LRMDA: variants seen among roughly 807,000 people sequenced by gnomAD.
The protein encoded by LRMDA is leucine rich melanocyte differentiation associated, also known as leucine-rich melanocyte differentiation-associated protein.
In LRMDA, 18 loss-of-function variants were observed where a neutral mutation model predicts 29.8. That is an observed-to-expected ratio of 0.60 (90% confidence interval 0.42 to 0.90). LRMDA has a LOEUF of 0.90. LRMDA is among the 40% of genes least tolerant of loss of function. The pLI, the probability that LRMDA is intolerant of heterozygous loss-of-function variation, is 0.00. For synonymous variants in LRMDA, 125 were observed against 109.4 expected (o/e 1.14, Z -0.89); for missense variants, 273 against 273.9 (o/e 1.00, Z 0.02).
At chr10:76,413,476 A>ACT (rs1841984145) in intron 6 of LRMDA, among the ~76,000 whole-genome samples, 1 of 152,168 alleles carries the variant, frequency 6.6e-6, no homozygotes, top group African/African-American at 2.4e-5. Flanking sequence ...GTAATCCCTT[A>ACT]CAAAACCATC....
At chr10:76,055,703 G>A (rs969920110) in intron 4 of LRMDA, among the ~76,000 whole-genome samples, 1 of 152,242 alleles carries the variant, frequency 6.6e-6, no homozygotes, top group African/African-American at 2.4e-5. Context: ...CAGCAGGCTG[G>A]GCAGCTCTAG....
intron 2 of LRMDA, among the ~76,000 whole-genome samples, chr10:75,721,348 C>T (rs996321144): frequency 3.3e-5 from 5 of 152,044 alleles, no homozygotes; most frequent in African/African-American, 9.7e-5. Flanking sequence ...TATATGTATA[C>T]GTACATTATA....
intron 2 of LRMDA, among the ~76,000 whole-genome samples, chr10:75,813,285 A>G (rs1227134540): frequency 1.3e-5 from 2 of 152,150 alleles, no homozygotes; most frequent in East Asian, 3.8e-4. Flanking sequence ...TGACTGGAGG[A>G]GGTCCACTCA....
At chr10:75,924,696 G>A (rs1429687946) in intron 2 of LRMDA, among the ~76,000 whole-genome samples, 1 of 151,936 alleles carries the variant, frequency 6.6e-6, no homozygotes, top group Middle Eastern at 3.2e-3. Context: ...CAGCCGTGCT[G>A]AAAGAGGAAG....
intron 2 of LRMDA, 143 bp from the exon 3 acceptor site, chr10:76,035,865 T>A (rs2132506657): frequency 2.6e-6 from 1 of 385,300 alleles, no homozygotes; most frequent in Non-Finnish European, 4.6e-6. Context: ...CTGCTACTAA[T>A]TCTTGTCATT....
intron 6 of LRMDA, among the ~76,000 whole-genome samples, chr10:76,428,424 ATT>A: frequency 6.6e-6 from 1 of 152,160 alleles, no homozygotes; most frequent in Admixed American, 6.6e-5. Flanking sequence ...GATGAAGTTA[ATT>A]TCATCTTTTA....
chr10:76,185,929 A>AG, intron 5 of LRMDA, among the ~76,000 whole-genome samples: 1 of 152,224 alleles, frequency 6.6e-6, no homozygotes, highest in African/African-American at 2.4e-5. Flanking sequence ...AGTGGGCCTT[A>AG]CTGTCAACCT....
intron 2 of LRMDA, among the ~76,000 whole-genome samples, chr10:75,758,860 G>A (rs1042474968): frequency 2.0e-5 from 3 of 152,024 alleles, no homozygotes; most frequent in Non-Finnish European, 2.9e-5. Context: ...TTATTATCTG[G>A]GTAGAGGATG....
chr10:76,545,069 T>G (rs1353144828), intron 6 of LRMDA, among the ~76,000 whole-genome samples: 1 of 152,110 alleles, frequency 6.6e-6, no homozygotes, highest in Non-Finnish European at 1.5e-5. Flanking sequence ...TGGGCCCAAG[T>G]AAGGAAGGCC....
intron 2 of LRMDA, among the ~76,000 whole-genome samples, chr10:75,982,488 CCT>C (rs777587964): frequency 3.3e-5 from 5 of 152,054 alleles, no homozygotes; most frequent in Non-Finnish European, 5.9e-5. Context: ...GTGGATTCCC[CCT>C]GTTAGCTTGA....
intron 6 of LRMDA, among the ~76,000 whole-genome samples, chr10:76,392,161 G>A (rs1381160518): frequency 6.6e-6 from 1 of 151,788 alleles, no homozygotes; most frequent in African/African-American, 2.4e-5. Context: ...ATGATAATTT[G>A]CATTAATATA....
intron 5 of LRMDA, among the ~76,000 whole-genome samples, chr10:76,308,248 C>G (rs538801952): frequency 6.6e-6 from 1 of 152,110 alleles, no homozygotes; most frequent in Non-Finnish European, 1.5e-5. Flanking sequence ...TAAATACTGT[C>G]TTTATTATGC....
chr10:75,826,341 G>C (rs1233971986), intron 2 of LRMDA, among the ~76,000 whole-genome samples: 1 of 152,134 alleles, frequency 6.6e-6, no homozygotes, highest in African/African-American at 2.4e-5. Context: ...TTCTGGCCCG[G>C]AGCTCTTGCC....
At chr10:75,920,901 C>T (rs1393486987) in intron 2 of LRMDA, among the ~76,000 whole-genome samples, 4 of 152,104 alleles carry the variant, frequency 2.6e-5, no homozygotes, top group Non-Finnish European at 2.9e-5. Flanking sequence ...ATAGGGTGTG[C>T]GGATGGGCCA....
chr10:76,054,661 C>T (rs1469900546), intron 4 of LRMDA, among the ~76,000 whole-genome samples: 1 of 151,630 alleles, frequency 6.6e-6, no homozygotes. Flanking sequence ...CACGTCACTC[C>T]TGACATATTG....
chr10:75,714,857 CCCTT>C (rs752703392), intron 2 of LRMDA, among the ~76,000 whole-genome samples: 183 of 131,730 alleles, frequency 1.4e-3, no homozygotes, highest in East Asian at 0.01. Context: ...CTCCCTCCCT[CCCTT>C]CCTTCCTTCC....
intron 2 of LRMDA, among the ~76,000 whole-genome samples, chr10:75,652,445 A>G (rs1486594780): frequency 2.0e-5 from 3 of 152,212 alleles, no homozygotes; most frequent in Non-Finnish European, 2.9e-5. Context: ...TTAGTTGGGA[A>G]CTAGCTGTTT....
intron 2 of LRMDA, chr10:75,643,008 C>T (rs3675): frequency 6.6e-6 from 1 of 152,006 alleles, no homozygotes; most frequent in African/African-American, 2.4e-5. Flanking sequence ...CTGAAGATGA[C>T]TTGATGCTAA....
At chr10:76,519,597 A>G (rs1843098585) in intron 6 of LRMDA, among the ~76,000 whole-genome samples, 1 of 152,182 alleles carries the variant, frequency 6.6e-6, no homozygotes, top group Non-Finnish European at 1.5e-5. Context: ...AATGTTTGAT[A>G]TACGGTGACA....
Sources: gnomAD v4.1 joint callset for allele counts (sites outside exome capture counted in the v4.1 genomes callset) on GRCh38, gnomAD v4.1.1 for gene constraint, MANE v1.5 for transcripts, NCBI Gene and HGNC (gene_info 2026-07-23, HGNC 2026-07-21) for gene names.